DPP6: variants seen among roughly 807,000 people sequenced by gnomAD.
DPP6 encodes dipeptidyl peptidase like 6, also known as A-type potassium channel modulatory protein DPP6.
A neutral mutation model predicts 122.6 loss-of-function variants in DPP6; 69 were observed. The ratio of observed to expected loss-of-function variants is 0.56; its 90% confidence interval spans 0.46 to 0.69. The LOEUF (loss-of-function observed/expected upper bound fraction) is 0.69. Ranked by LOEUF, DPP6 falls within the 30% of genes least tolerant of loss-of-function variation. The probability of loss-of-function intolerance (pLI) is 0.00; values close to 1 mark genes in which losing one functional copy is unlikely to be tolerated. For missense variants in DPP6, 928 were observed against 1,116.9 expected, an observed-to-expected ratio of 0.83 and a Z score of 2.41; for synonymous variants, 418 against 433.1, an observed-to-expected ratio of 0.97 and a Z score of 0.43.
At chr7:153,804,517 A>C in the DPP6 span, among the ~76,000 whole-genome samples, 1 of 152,330 alleles carries the variant, frequency 6.6e-6, no homozygotes, top group East Asian at 1.9e-4. Flanking sequence ...GCTTGTAGAT[A>C]TACATCAAAA....
chr7:154,009,745 C>G (rs1798074888), intron 1 of DPP6, among the ~76,000 whole-genome samples: 1 of 151,258 alleles, frequency 6.6e-6, no homozygotes, highest in East Asian at 1.9e-4. Context: ...TTCTGCCTCA[C>G]TCCAGAGGCG....
At chr7:154,823,881 G>A (rs1584803673) in intron 16 of DPP6, among the ~76,000 whole-genome samples, 1 of 152,330 alleles carries the variant, frequency 6.6e-6, no homozygotes, top group East Asian at 1.9e-4. Context: ...TCTGCTCCAT[G>A]CAGTGGTGCT....
intron 8 of DPP6, among the ~76,000 whole-genome samples, chr7:154,745,397 T>C (rs1842991868): frequency 1.3e-5 from 2 of 152,166 alleles, no homozygotes; most frequent in Non-Finnish European, 2.9e-5. Flanking sequence ...ACAATAGAAT[T>C]GCCAGAGTAT....
At chr7:154,891,168 C>G (rs1806569183) in intron 25 of DPP6, 1 of 152,184 alleles carries the variant, frequency 6.6e-6, no homozygotes, top group Non-Finnish European at 1.5e-5. Context: ...GAGGTTGAGG[C>G]TGCAGTGAGC....
In DPP6 at chr7:154,809,253, TA is replaced by T. The variant is rs34482920; in HGVS notation, c.1666+2153del. Among the ~76,000 whole-genome samples the T allele has an allele frequency of 1.7e-3, 251 of 146,080 alleles. 1 individual carries two copies. Among genetic ancestry groups the T allele is most frequent in the East Asian group, 8.1e-3 (41 of 5,036 alleles). ...GGAGCAAATACAGGGTTTCTTTTTT[TA>T]AAAAAAAAAAAGAAGAAGAAGGGTT... is the stretch of plus-strand genomic sequence containing the variant. On this transcript the variant is annotated intron_variant, in intron 16 of 25. Transcript: ENST00000377770.
Position 154,707,868 on chromosome 7 carries a change from C to A in DPP6, c.763-19899C>A, listed in dbSNP as rs540661834. 7.9e-5 allele frequency among the ~76,000 whole-genome samples: 12 copies of A among 152,192 alleles called. No individual in the cohort carries two copies. The East Asian group carries it at 2.1e-3, about 27-fold the overall frequency. On this transcript the variant is annotated intron_variant, in intron 7 of 25. Transcript: ENST00000377770. ...AATGAGACCCGAGCAAAAAGGGAGA[C>A]CCCTTATAAAACCATCAGATCTCCC...
At chr7:154,061,027 A>G (rs556626343) in intron 1 of DPP6, among the ~76,000 whole-genome samples, 6 of 148,970 alleles carry the variant, frequency 4.0e-5, no homozygotes, top group African/African-American at 1.5e-4. Context: ...AAATCTTCTG[A>G]CGGCAGGTAC....
chr7:154,874,873 C>A (rs1804716684), intron 19 of DPP6, among the ~76,000 whole-genome samples: 1 of 152,256 alleles, frequency 6.6e-6, no homozygotes, highest in African/African-American at 2.4e-5. Flanking sequence ...ACCAGTCCTG[C>A]ATAGAAAATG....
At chr7:154,305,985 C>T (rs1164869332) in intron 1 of DPP6, among the ~76,000 whole-genome samples, 1 of 152,136 alleles carries the variant, frequency 6.6e-6, no homozygotes, top group Non-Finnish European at 1.5e-5. Flanking sequence ...TTCTGACCCT[C>T]CAACAGGACT....
intron 1 of DPP6, among the ~76,000 whole-genome samples, chr7:153,976,211 A>G (rs1796292497): frequency 6.6e-6 from 1 of 152,192 alleles, no homozygotes; most frequent in African/African-American, 2.4e-5. Flanking sequence ...AAAAGAAGCC[A>G]GGATCCCCAG....
At chr7:154,744,495 ATC>A (rs1200545319) in intron 8 of DPP6, among the ~76,000 whole-genome samples, 1 of 152,188 alleles carries the variant, frequency 6.6e-6, no homozygotes, top group Non-Finnish European at 1.5e-5. Context: ...GAATTTGCAG[ATC>A]TCTGATGATA....
At chr7:153,760,823 C>T in the DPP6 span, among the ~76,000 whole-genome samples, 44 of 152,250 alleles carry the variant, frequency 2.9e-4, no homozygotes, top group African/African-American at 1.1e-3. Context: ...TTATTCTTTC[C>T]CCAACCTTGG....
At chr7:154,164,600 C>T (rs1258001443) in intron 1 of DPP6, among the ~76,000 whole-genome samples, 1 of 152,164 alleles carries the variant, frequency 6.6e-6, no homozygotes, top group Non-Finnish European at 1.5e-5. Context: ...AAATAGAAAT[C>T]CAATATCCAT....
intron 1 of DPP6, among the ~76,000 whole-genome samples, chr7:154,284,592 C>T (rs915871031): frequency 1.7e-4 from 26 of 152,232 alleles, no homozygotes; most frequent in African/African-American, 5.5e-4. Context: ...CGTTGGCTTA[C>T]GCCCGTAATC....
In DPP6 at chr7:154,542,855, G is replaced by A. The variant is rs138828708; in HGVS notation, c.552+2229G>A. Reference sequence around the variant, plus strand: ...TTAATTTAATCTGGATTTAATTTCCGCAGAGCCACTTAGTCATTTAAAATT... The same window carrying A: ...TTAATTTAATCTGGATTTAATTTCCACAGAGCCACTTAGTCATTTAAAATT... On this transcript the variant is annotated intron_variant, in intron 4 of 25. Transcript: ENST00000377770. Among the ~76,000 whole-genome samples, 33 of 152,256 alleles carry A rather than the reference G, an allele frequency of 2.2e-4. No homozygotes were observed. The East Asian group carries it at 3.1e-3, about 14-fold the overall frequency.
At chr7:154,217,980 T>C (rs1800097593) in intron 1 of DPP6, among the ~76,000 whole-genome samples, 1 of 152,220 alleles carries the variant, frequency 6.6e-6, no homozygotes, top group Non-Finnish European at 1.5e-5. Context: ...CTACTGTGGT[T>C]TCCTGTCTCT....
intron 1 of DPP6, among the ~76,000 whole-genome samples, chr7:154,071,657 C>T (rs1803128512): frequency 6.6e-6 from 1 of 152,236 alleles, no homozygotes; most frequent in African/African-American, 2.4e-5. Context: ...ATTTCACTAC[C>T]ACTATGATTT....
the DPP6 span, among the ~76,000 whole-genome samples, chr7:153,792,843 T>C: frequency 6.6e-6 from 1 of 152,116 alleles, no homozygotes. Context: ...TGGGGGCCAG[T>C]CTTTCCCATG....
In DPP6 at chr7:154,751,054, CAT is replaced by C. The variant is rs373342304; in HGVS notation, c.884-18362_884-18361del. On this transcript the variant is annotated intron_variant, in intron 8 of 25. Transcript: ENST00000377770. ...AGTACTCACAGTGCCTCTGCTCTCT[CAT>C]GTATAAAATGTGAGGAACCATAGCA... is the stretch of plus-strand genomic sequence containing the variant. 9.8e-5 allele frequency among the ~76,000 whole-genome samples: 15 copies of C among 152,300 alleles called. No individual in the cohort carries two copies. In the South Asian group the frequency reaches 3.1e-3, roughly 32 times the overall value.
Sources: allele counts gnomAD v4.1 joint callset (sites outside exome capture counted in the v4.1 genomes callset), GRCh38; gene constraint gnomAD v4.1.1; transcripts MANE v1.5; gene names NCBI Gene and HGNC (gene_info 2026-07-23, HGNC 2026-07-21).